The following TGFBR3 variants were observed in gnomAD, a reference collection of about 807,000 sequenced individuals.
The protein encoded by TGFBR3 is transforming growth factor beta receptor type 3.
A neutral mutation model predicts 87.9 loss-of-function variants in TGFBR3; 46 were observed. The ratio of observed to expected loss-of-function variants is 0.52; its 90% CI spans 0.41 to 0.67. TGFBR3 has a LOEUF of 0.67. Ranked by LOEUF, TGFBR3 falls within the 30% of genes least tolerant of loss-of-function variation. The pLI is 0.00. For synonymous variants in TGFBR3, 381 were observed against 391.6 expected, an observed-to-expected ratio of 0.97 and a Z score of 0.32; for missense variants, 866 against 1,041.9, an observed-to-expected ratio of 0.83 and a Z score of 2.32.
intron 1 of TGFBR3, among the ~76,000 whole-genome samples, chr1:91,883,455 T>A (rs1480130321): frequency 6.6e-6 from 1 of 152,200 alleles, no homozygotes; most frequent in Non-Finnish European, 1.5e-5. Context: ...TAGTCCTCCA[T>A]TATAAACTCC....
intron 2 of TGFBR3, among the ~76,000 whole-genome samples, chr1:91,895,981 A>G (rs990689117): frequency 1.3e-5 from 2 of 152,172 alleles, no homozygotes; most frequent in Non-Finnish European, 2.9e-5. Context: ...CATTGCTGCT[A>G]CAACCCTGGT....
chr1:91,704,585 T>C (rs767401229), intron 14 of TGFBR3, among the ~76,000 whole-genome samples: 1 of 152,198 alleles, frequency 6.6e-6, no homozygotes, highest in Non-Finnish European at 1.5e-5. Flanking sequence ...GGATAAAATA[T>C]AATAATCCAC....
At position 91,681,707 on chromosome 1, in the gene TGFBR3, CTT is replaced by C. The variant is rs796264375; in HGVS notation, c.*2030_*2031del. On this transcript the variant is annotated 3_prime_UTR_variant, in exon 17 of 17. Transcript: ENST00000212355. ...ATTTATCTAAAACACTTAAATATAT[CTT>C]TATACACAAATTTTGTAGTAAAATA... 1.0e-4 allele frequency: 45 copies of C among 435,426 alleles called. 1 individual carries two copies. The highest frequency in any genetic ancestry group is 8.4e-4 in the African/African-American group (41 of 48,914). The allele number at this position is 435,426 out of a possible 1,614,324, so 27.0% of individuals were successfully genotyped here.
chr1:91,740,058 A>AT (rs1673108179), intron 4 of TGFBR3, among the ~76,000 whole-genome samples: 1 of 152,066 alleles, frequency 6.6e-6, no homozygotes, highest in Admixed American at 6.6e-5. Context: ...AATTTATTTT[A>AT]TTTTATTTAT....
intron 2 of TGFBR3, among the ~76,000 whole-genome samples, chr1:91,802,761 T>A (rs1675682981): frequency 6.6e-6 from 1 of 152,104 alleles, no homozygotes; most frequent in Non-Finnish European, 1.5e-5. Context: ...GAACTCAGGA[T>A]CTTTACCCCT....
At chr1:91,873,704 T>C (rs1455680165) in intron 1 of TGFBR3, among the ~76,000 whole-genome samples, 2 of 151,940 alleles carry the variant, frequency 1.3e-5, no homozygotes, top group Admixed American at 6.5e-5. Context: ...CCCAGCACTT[T>C]GGGAGGCCAA....
intron 2 of TGFBR3, among the ~76,000 whole-genome samples, chr1:91,802,430 A>G (rs2004067): frequency 0.28 from 41,923 of 150,594 alleles, 6,621 homozygotes; most frequent in African/African-American, 0.44. Context: ...ACGCGCTCTC[A>G]GCTCACTGCA....
intron 7 of TGFBR3, among the ~76,000 whole-genome samples, chr1:91,727,002 T>C (rs1238339998): frequency 2.0e-5 from 3 of 152,250 alleles, no homozygotes; most frequent in Non-Finnish European, 2.9e-5. Flanking sequence ...TTGCCCATCA[T>C]GCCAATGGGC....
chr1:91,833,642 G>C (rs1166496383), intron 2 of TGFBR3, among the ~76,000 whole-genome samples: 3 of 151,212 alleles, frequency 2.0e-5, no homozygotes, highest in Non-Finnish European at 4.4e-5. Flanking sequence ...GCTGGGTGCG[G>C]TGGCACACAC....
chr1:91,887,698 C>T (rs955962783), upstream of TGFBR3, among the ~76,000 whole-genome samples: 2 of 152,086 alleles, frequency 1.3e-5, no homozygotes, highest in African/African-American at 4.8e-5. Context: ...GAGAATCCAC[C>T]CAATTGCAGA....
chr1:91,716,235 C>T lies in TGFBR3; in HGVS notation c.1866+1G>A. On this transcript the variant is annotated splice_donor_variant, in intron 12 of 16. Coordinates refer to ENST00000212355, the MANE Select transcript of TGFBR3 (RefSeq NM_003243.5). LOFTEE classifies it high-confidence loss of function. ...GGTCAAGGCTAACTTTCAGGTCTCA[C>T]CTCAACATAAACGTGTCCATTCTCT... 6.2e-7 allele frequency: 1 copy of T among 1,614,082 alleles called. No individual in the cohort carries two copies. The highest frequency in any genetic ancestry group is 8.5e-7 in the Non-Finnish European group (1 of 1,180,000).
chr1:91,812,708 G>C (rs1676072963), intron 2 of TGFBR3, among the ~76,000 whole-genome samples: 1 of 152,172 alleles, frequency 6.6e-6, no homozygotes, highest in South Asian at 2.1e-4. Flanking sequence ...CGCCTCCCGG[G>C]TTCAAGCAAT....
chr1:91,904,046 G>A (rs1448697755), intron 1 of TGFBR3, among the ~76,000 whole-genome samples: 5 of 151,948 alleles, frequency 3.3e-5, no homozygotes, highest in African/African-American at 9.7e-5. Flanking sequence ...GCCTGGTGGC[G>A]CGTTCCTATA....
intron 12 of TGFBR3, among the ~76,000 whole-genome samples, chr1:91,715,854 G>GA (rs71586709): frequency 7.3e-5 from 11 of 150,290 alleles, no homozygotes; most frequent in African/African-American, 1.5e-4. Context: ...ACTGTGCAGG[G>GA]AAAAAAAAAG....
intron 8 of TGFBR3, 144 bp from the exon 9 acceptor site, chr1:91,720,374 G>A: frequency 1.2e-6 from 1 of 836,410 alleles, no homozygotes; most frequent in South Asian, 1.5e-5. Flanking sequence ...GTCATTAGAA[G>A]TCTAGAAGCC....
intron 2 of TGFBR3, among the ~76,000 whole-genome samples, chr1:91,855,200 T>C (rs578139881): frequency 6.6e-6 from 1 of 152,308 alleles, no homozygotes; most frequent in South Asian, 2.1e-4. Flanking sequence ...TGTTTCTCAA[T>C]AGAAATCTGT....
At position 91,782,533 on chromosome 1, in the gene TGFBR3, G is replaced by T. The variant is rs567443948; in HGVS notation, c.246+14754C>A. On this transcript the variant is annotated intron_variant, in intron 3 of 16. Coordinates refer to ENST00000212355, the MANE Select transcript of TGFBR3 (RefSeq NM_003243.5). ...CTGCTTGCACATCGACTGACCTGAGGTTGAGAGGAGGAGCAGAGGAATGTG... is the reference window on the plus strand; with the variant it reads ...CTGCTTGCACATCGACTGACCTGAGTTTGAGAGGAGGAGCAGAGGAATGTG... Among the ~76,000 whole-genome samples, 4 of 152,286 alleles carry T rather than the reference G, an allele frequency of 2.6e-5. No individual in the cohort carries two copies. In the East Asian group the frequency reaches 5.8e-4, roughly 22 times the overall value.
At chr1:91,875,590 T>C (rs769805062) in intron 1 of TGFBR3, among the ~76,000 whole-genome samples, 12 of 151,238 alleles carry the variant, frequency 7.9e-5, no homozygotes, top group Non-Finnish European at 1.3e-4. Flanking sequence ...GGATCAAGCA[T>C]TGAAAAGGAA....
upstream of TGFBR3, chr1:91,886,391 C>T (rs2101318002): frequency 3.0e-6 from 1 of 337,042 alleles, no homozygotes; most frequent in South Asian, 2.2e-5. Flanking sequence ...CTGTGCTTCC[C>T]TTCGGGACGA....
Sources: allele counts gnomAD v4.1 joint callset (sites outside exome capture counted in the v4.1 genomes callset), GRCh38; gene constraint gnomAD v4.1.1; transcripts MANE v1.5; gene names NCBI Gene and HGNC (gene_info 2026-07-23, HGNC 2026-07-21).